SP100: variants seen among roughly 807,000 people sequenced by gnomAD.
The protein encoded by SP100 is SP100 nuclear body protein.
SP100 carries 84 observed loss-of-function variants against 130.0 expected under a neutral mutation model. The ratio of observed to expected loss-of-function variants is 0.65; its 90% confidence interval spans 0.54 to 0.77. SP100 has a LOEUF of 0.77. SP100 is among the 30% of genes least tolerant of loss of function. SP100 has a pLI of 0.00. For missense variants in SP100, 978 were observed against 1,052.2 expected (o/e 0.93, Z 0.97); for synonymous variants, 331 against 351.7 (o/e 0.94, Z 0.66).
At chr2:230,519,656 A>T (rs1575797180) in intron 24 of SP100, among the ~76,000 whole-genome samples, 1 of 152,340 alleles carries the variant, frequency 6.6e-6, no homozygotes, top group African/African-American at 2.4e-5. Flanking sequence ...TCTTTTTCAA[A>T]TCAGAAATAG....
chr2:230,494,380 T>C, intron 17 of SP100, 36 bp from the exon 18 acceptor site: 2 of 1,430,630 alleles, frequency 1.4e-6, no homozygotes, highest in Non-Finnish European at 9.9e-7. Flanking sequence ...TTGTTTATAG[T>C]TCTAAAGGAT....
intron 24 of SP100, chr2:230,514,955 G>A: frequency 7.1e-7 from 1 of 1,415,436 alleles, no homozygotes; most frequent in Non-Finnish European, 9.4e-7. Flanking sequence ...TAGAGATAGT[G>A]CTGGCGCAAG....
chr2:230,523,343 A>T (rs1691263101), intron 24 of SP100, among the ~76,000 whole-genome samples: 1 of 152,144 alleles, frequency 6.6e-6, no homozygotes, highest in Admixed American at 6.5e-5. Context: ...TTATTATGTT[A>T]TATGTTATGC....
At chr2:230,517,818 C>A (rs1156845176) in intron 24 of SP100, among the ~76,000 whole-genome samples, 2 of 151,586 alleles carry the variant, frequency 1.3e-5, no homozygotes, top group African/African-American at 2.4e-5. Context: ...AAATCAGTAT[C>A]TTTTAATTTT....
chr2:230,528,852 C>T (rs1318666161), intron 24 of SP100, among the ~76,000 whole-genome samples: 1 of 152,216 alleles, frequency 6.6e-6, no homozygotes, highest in Non-Finnish European at 1.5e-5. Context: ...TTTCTGGACA[C>T]ATACACCCTC....
chr2:230,524,230 C>A (rs1279457415), intron 24 of SP100, among the ~76,000 whole-genome samples: 1 of 147,906 alleles, frequency 6.8e-6, no homozygotes, highest in African/African-American at 2.5e-5. Flanking sequence ...GTGGCAGTTG[C>A]CTGTAATCCC....
chr2:230,422,130 A>G (rs1048350383), intron 2 of SP100, among the ~76,000 whole-genome samples: 40 of 151,994 alleles, frequency 2.6e-4, no homozygotes, highest in African/African-American at 9.4e-4. Flanking sequence ...CTGCCATTAT[A>G]TTTTTAATTT....
intron 2 of SP100, among the ~76,000 whole-genome samples, chr2:230,434,466 G>T (rs896712881): frequency 2.0e-5 from 3 of 152,042 alleles, no homozygotes; most frequent in Non-Finnish European, 4.4e-5. Context: ...AAAAATCAGT[G>T]GACAAAACAG....
chr2:230,435,446 T>C (rs1179078934), intron 2 of SP100, among the ~76,000 whole-genome samples: 1 of 152,222 alleles, frequency 6.6e-6, no homozygotes, highest in Non-Finnish European at 1.5e-5. Context: ...TTTAAAAACA[T>C]TTTAACCTAT....
intron 18 of SP100, among the ~76,000 whole-genome samples, chr2:230,496,008 T>C (rs2066648944): frequency 6.6e-6 from 1 of 152,180 alleles, no homozygotes; most frequent in Non-Finnish European, 1.5e-5. Flanking sequence ...TATAAATAAG[T>C]ATATACATAT....
intron 18 of SP100, among the ~76,000 whole-genome samples, chr2:230,497,294 A>G (rs1436094845): frequency 6.6e-6 from 1 of 152,070 alleles, no homozygotes; most frequent in East Asian, 1.9e-4. Context: ...GACCAAAGAC[A>G]TAGATGAACA....
At chr2:230,463,796 T>C (rs2064789910) in intron 10 of SP100, 1 of 224,094 alleles carries the variant, frequency 4.5e-6, no homozygotes, top group African/African-American at 2.3e-5. Context: ...ACAAAGGAAA[T>C]GTGGAATGGC....
chr2:230,460,158 C>T (rs2149959881), intron 8 of SP100, among the ~76,000 whole-genome samples: 1 of 152,256 alleles, frequency 6.6e-6, no homozygotes, highest in Admixed American at 6.5e-5. Flanking sequence ...CAGAAACCAA[C>T]AGAAATGTGT....
intron 15 of SP100, among the ~76,000 whole-genome samples, chr2:230,471,068 T>G (rs993912158): frequency 6.6e-6 from 1 of 152,096 alleles, no homozygotes; most frequent in African/African-American, 2.4e-5. Context: ...TGGAACCAGC[T>G]ATATAATATA....
chr2:230,429,894 C>T (rs2063047545), intron 2 of SP100, among the ~76,000 whole-genome samples: 1 of 151,924 alleles, frequency 6.6e-6, no homozygotes, highest in Non-Finnish European at 1.5e-5. Flanking sequence ...TCTGTGTTTA[C>T]TTATAGTTCA....
intron 15 of SP100, chr2:230,470,529 A>G: frequency 1.8e-6 from 1 of 542,156 alleles, no homozygotes. Context: ...AACACTCTCA[A>G]ACGTTAGTAT....
intron 24 of SP100, chr2:230,515,423 A>G (rs752282080): frequency 6.2e-7 from 1 of 1,613,938 alleles, no homozygotes; most frequent in Admixed American, 1.7e-5. Context: ...GGGATGTGGA[A>G]TAACACCGCT....
chr2:230,534,734 T>C (rs536059814), intron 24 of SP100, among the ~76,000 whole-genome samples: 115 of 152,352 alleles, frequency 7.5e-4, no homozygotes, highest in African/African-American at 2.7e-3. Context: ...GATTGTATGA[T>C]TCTTGCATGT....
rs552292004 is a variant in SP100, at chr2:230,450,391, T to C, written c.820+136T>C. 140 of 628,280 alleles carry C rather than the reference T, an allele frequency of 2.2e-4. No individual in the cohort carries two copies. The African/African-American group carries it at 2.3e-3, about 10-fold the overall frequency. 38.9% of individuals were successfully genotyped at this position (628,280 alleles called of 1,614,324 possible). On this transcript the variant is annotated intron_variant, in intron 8 of 28. Coordinates refer to ENST00000340126, the MANE Select transcript of SP100 (RefSeq NM_001080391.2). Reference sequence around the variant, plus strand: ...TACCAGATTAAAAGCTGGATGTATTTATCATTACATGTTGTTTTGAAATAT... The same window carrying C: ...TACCAGATTAAAAGCTGGATGTATTCATCATTACATGTTGTTTTGAAATAT...
Sources: gnomAD v4.1 joint callset for allele counts (sites outside exome capture counted in the v4.1 genomes callset) on GRCh38, gnomAD v4.1.1 for gene constraint, MANE v1.5 for transcripts, NCBI Gene and HGNC (gene_info 2026-07-23, HGNC 2026-07-21) for gene names.